WASF3: variants seen among roughly 807,000 people sequenced by gnomAD.
WASF3 encodes the protein WASP family member 3, also known as actin-binding protein WASF3.
WASF3 carries 11 observed loss-of-function variants against 46.6 expected under a neutral mutation model. That is an observed-to-expected ratio of 0.24 (90% CI 0.15 to 0.39). The LOEUF (loss-of-function observed/expected upper bound fraction) is 0.39, where lower values mean the gene tolerates loss of function less well. Among genes scored for constraint, WASF3 ranks in the 10% least tolerant of loss-of-function variants. The pLI, the probability that WASF3 is intolerant of heterozygous loss-of-function variation, is 1.00. For missense variants in WASF3, 576 were observed against 669.8 expected (o/e 0.86, Z 1.55); for synonymous variants, 242 against 259.7 (o/e 0.93, Z 0.65).
chr13:26,584,970 C>T (rs536271183), intron 1 of WASF3, among the ~76,000 whole-genome samples: 1 of 152,140 alleles, frequency 6.6e-6, no homozygotes, highest in East Asian at 1.9e-4. Flanking sequence ...AGAATACAGC[C>T]AGCATTCCAT....
chr13:26,586,080 A>C (rs931195612), intron 1 of WASF3, among the ~76,000 whole-genome samples: 6 of 152,202 alleles, frequency 3.9e-5, no homozygotes, highest in African/African-American at 7.2e-5. Flanking sequence ...ATGATGCCCC[A>C]AAAATACCTC....
intron 1 of WASF3, among the ~76,000 whole-genome samples, chr13:26,583,583 T>A (rs1372518652): frequency 2.0e-5 from 3 of 152,312 alleles, no homozygotes; most frequent in Middle Eastern, 3.4e-3. Context: ...TCATTGAAAA[T>A]TTTTTTAAAT....
intron 9 of WASF3, 109 bp downstream of exon 9, chr13:26,683,083 A>G (rs377646105): frequency 2.1e-6 from 3 of 1,450,896 alleles, no homozygotes; most frequent in South Asian, 2.8e-5. Flanking sequence ...TACGTTTTTT[A>G]AAATAGAGTT....
At chr13:26,632,158 T>A (rs1010886932) in intron 2 of WASF3, among the ~76,000 whole-genome samples, 4 of 152,188 alleles carry the variant, frequency 2.6e-5, no homozygotes, top group Non-Finnish European at 4.4e-5. Flanking sequence ...ATTAAATACC[T>A]TTATTTGTTT....
chr13:26,667,494 C>T (rs754037003), intron 4 of WASF3, 23 bp from the exon 5 acceptor site: 1 of 1,595,850 alleles, frequency 6.3e-7, no homozygotes, highest in East Asian at 2.2e-5. Context: ...TATAACTCAA[C>T]TTGGGGGATT....
intron 4 of WASF3, 66 bp from the exon 5 acceptor site, chr13:26,667,451 G>T (rs1882805653): frequency 7.1e-7 from 1 of 1,402,550 alleles, no homozygotes; most frequent in African/African-American, 1.5e-5. Context: ...GAGTCAAATG[G>T]TATTTACTTC....
At chr13:26,544,947 A>G in the WASF3 span, among the ~76,000 whole-genome samples, 3 of 152,358 alleles carry the variant, frequency 2.0e-5, no homozygotes, top group African/African-American at 7.2e-5. Context: ...TAAGCAGCAT[A>G]TCTTCTACTG....
chr13:26,545,905 C>A, the WASF3 span, among the ~76,000 whole-genome samples: 6 of 152,194 alleles, frequency 3.9e-5, no homozygotes, highest in Admixed American at 3.9e-4. Context: ...CACCCAGCCT[C>A]TATTTTATTT....
intron 2 of WASF3, among the ~76,000 whole-genome samples, chr13:26,633,018 A>G (rs1196623983): frequency 6.6e-6 from 1 of 151,168 alleles, no homozygotes; most frequent in African/African-American, 2.4e-5. Context: ...TGGTGGTGAT[A>G]CCCCCTTTAT....
rs1415698104 is a variant in WASF3, at chr13:26,557,743, G to C, written c.-185G>C. 1.4e-5 allele frequency: 3 copies of C among 216,690 alleles called. No individual in the cohort carries two copies. The highest frequency in any genetic ancestry group is 1.0e-4 in the East Asian group (1 of 9,736). The allele number at this position is 216,690 out of a possible 1,614,324, so 13.4% of individuals were successfully genotyped here. A position where few individuals can be genotyped will look rare whatever the true frequency, so the allele number is the denominator to read the frequency against. ...GCGTGCGGTGTGGTGCGAGGCGGGT[G>C]CGCCGGGCGGCCGCGGCGCGGCGGG... On this transcript the variant is annotated 5_prime_UTR_variant, in exon 1 of 10. Coordinates refer to ENST00000335327, the MANE Select transcript of WASF3 (RefSeq NM_006646.6).
Position 26,557,714 on chromosome 13 carries a change from C to A in WASF3, c.-214C>A, listed in dbSNP as rs1249813674. The A allele has an allele frequency of 5.5e-5, 10 of 181,782 alleles. No homozygotes were observed. In the East Asian group the frequency reaches 1.3e-3, roughly 24 times the overall value. 11.3% of individuals were successfully genotyped at this position (181,782 alleles called of 1,614,324 possible). On this transcript the variant is annotated 5_prime_UTR_variant, in exon 1 of 10. Transcript: ENST00000335327. ...GGGCCGGAGGCGGCGTCGCTCGCGC[C>A]GCTGCGTGCGGTGTGGTGCGAGGCG...
intron 3 of WASF3, among the ~76,000 whole-genome samples, chr13:26,650,696 T>G (rs1566063239): frequency 6.6e-6 from 1 of 152,190 alleles, no homozygotes; most frequent in Non-Finnish European, 1.5e-5. Context: ...TGGAAATCAT[T>G]TTTTTAAATG....
chr13:26,554,090 TC>T (rs1566032450), upstream of WASF3, among the ~76,000 whole-genome samples: 93 of 119,806 alleles, frequency 7.8e-4, no homozygotes, highest in African/African-American at 1.7e-3. Flanking sequence ...CTTCCTTCCT[TC>T]CTTCCTTCTT....
At chr13:26,622,116 T>A (rs1881324649) in intron 2 of WASF3, among the ~76,000 whole-genome samples, 1 of 152,168 alleles carries the variant, frequency 6.6e-6, no homozygotes, top group Non-Finnish European at 1.5e-5. Flanking sequence ...TATAATATAG[T>A]CTGTGCCACA....
chr13:26,612,644 T>C (rs755381038), intron 1 of WASF3, among the ~76,000 whole-genome samples: 2 of 152,198 alleles, frequency 1.3e-5, no homozygotes, highest in Non-Finnish European at 1.5e-5. Context: ...ACCTAAAATA[T>C]ATGTGTTGTT....
At chr13:26,570,551 TG>T (rs1280188757) in intron 1 of WASF3, among the ~76,000 whole-genome samples, 1 of 152,220 alleles carries the variant, frequency 6.6e-6, no homozygotes, top group African/African-American at 2.4e-5. Flanking sequence ...GTTTAAATTC[TG>T]TTGCACTTTG....
rs776639310 is a variant in WASF3 at position 26,665,174 on chromosome 13, C to G, written c.268+12C>G. ...AACAGTGGAAGAGGGTAGGTAATTG[C>G]CTGAAAGCAGTGAGCTAGAAGTGAT... is the stretch of plus-strand genomic sequence containing the variant. On this transcript the variant is annotated intron_variant, in intron 4 of 9. Transcript: ENST00000335327. 4 of 1,612,780 alleles carry G rather than the reference C, an allele frequency of 2.5e-6. No individual in the cohort carries two copies. The East Asian group carries it at 8.9e-5, about 36-fold the overall frequency.
At chr13:26,668,122 G>A (rs1882826353) in intron 5 of WASF3, among the ~76,000 whole-genome samples, 1 of 152,184 alleles carries the variant, frequency 6.6e-6, no homozygotes, top group Non-Finnish European at 1.5e-5. Flanking sequence ...TAGGGGTTTT[G>A]AAGAGTGAAA....
rs564503402 is a variant in WASF3, at chr13:26,575,881, G to A, written c.-109+18062G>A. ...GGCCTCGAAGATATCTTTCATATGCGTAAAGTCTAATAGTTTACTAGGTTA... is the reference window on the plus strand; with the variant it reads ...GGCCTCGAAGATATCTTTCATATGCATAAAGTCTAATAGTTTACTAGGTTA... On this transcript the variant is annotated intron_variant, in intron 1 of 9. Coordinates refer to ENST00000335327, the MANE Select transcript of WASF3 (RefSeq NM_006646.6). Among the ~76,000 whole-genome samples the A allele has an allele frequency of 9.9e-4, 151 of 152,220 alleles. 1 individual carries two copies. The highest frequency in any genetic ancestry group is 3.4e-3 in the African/African-American group (143 of 41,540).
Sources: allele counts gnomAD v4.1 joint callset (sites outside exome capture counted in the v4.1 genomes callset), GRCh38; gene constraint gnomAD v4.1.1; transcripts MANE v1.5; gene names NCBI Gene and HGNC (gene_info 2026-07-23, HGNC 2026-07-21).